The following RAPGEF2 variants were observed in gnomAD, a reference collection of about 807,000 sequenced individuals.
RAPGEF2 encodes the protein PDZ domain containing guanine nucleotide exchange factor (GEF) 1.
A neutral mutation model predicts 186.7 loss-of-function variants in RAPGEF2; 54 were observed. The ratio of observed to expected loss-of-function variants is 0.29; its 90% confidence interval spans 0.23 to 0.36. The LOEUF is 0.36. RAPGEF2 is among the 10% of genes least tolerant of loss of function. The pLI, the probability that RAPGEF2 is intolerant of heterozygous loss-of-function variation, is 1.00. For missense variants in RAPGEF2, 1,532 were observed against 2,045.0 expected (o/e 0.75, Z 4.84); for synonymous variants, 712 against 705.9 (o/e 1.01, Z -0.14).
intron 11 of RAPGEF2, among the ~76,000 whole-genome samples, chr4:159,325,566 G>C (rs1765807453): frequency 6.6e-6 from 1 of 151,934 alleles, no homozygotes; most frequent in African/African-American, 2.4e-5. Flanking sequence ...GTTTGAGTTA[G>C]AGTGTGTGTC....
At chr4:159,282,807 T>G (rs1463749247) in intron 7 of RAPGEF2, among the ~76,000 whole-genome samples, 1 of 152,174 alleles carries the variant, frequency 6.6e-6, no homozygotes, top group Non-Finnish European at 1.5e-5. Flanking sequence ...TATACAGTGT[T>G]TTTCTATTGC....
chr4:159,175,444 C>T (rs1045257966), intron 1 of RAPGEF2, among the ~76,000 whole-genome samples: 4 of 152,054 alleles, frequency 2.6e-5, no homozygotes, highest in Non-Finnish European at 5.9e-5. Flanking sequence ...GTTTTATTTG[C>T]TCTGGTGCTT....
intron 7 of RAPGEF2, among the ~76,000 whole-genome samples, chr4:159,269,724 T>C (rs769924240): frequency 3.3e-5 from 5 of 152,024 alleles, no homozygotes; most frequent in African/African-American, 1.2e-4. Flanking sequence ...ACAAAGAAAA[T>C]TGATGGCTGG....
rs576200446 is a variant in RAPGEF2, at chr4:159,175,262, G to A, written c.70-11380G>A. On this transcript the variant is annotated intron_variant, in intron 1 of 29. Transcript: ENST00000691494. The stretch of plus-strand genomic sequence containing the variant: ...CAGTATTTTGCCTTCATATGATTTA[G>A]GGTTAAAGTAATTATTGTAACTCTA... Among the ~76,000 whole-genome samples, 4 of 151,908 alleles carry A rather than the reference G, an allele frequency of 2.6e-5. No homozygotes were observed. In the South Asian group the frequency reaches 8.3e-4, roughly 32 times the overall value.
intron 7 of RAPGEF2, among the ~76,000 whole-genome samples, chr4:159,284,522 A>G (rs962237746): frequency 1.8e-5 from 2 of 111,734 alleles, no homozygotes; most frequent in Non-Finnish European, 4.1e-5. Flanking sequence ...ACACACACAC[A>G]CACACACACA....
intron 9 of RAPGEF2, among the ~76,000 whole-genome samples, chr4:159,318,057 T>TA (rs561602963): frequency 0.093 from 13,556 of 145,240 alleles, 2,027 homozygotes; most frequent in African/African-American, 0.31. Flanking sequence ...AAGCCATCTT[T>TA]AAAAAAAAAA....
chr4:159,304,619 A>G, intron 8 of RAPGEF2, 146 bp downstream of exon 8: 7 of 744,042 alleles, frequency 9.4e-6, no homozygotes, highest in Middle Eastern at 8.3e-4. Context: ...TTTATTTCGT[A>G]TATGTTATTT....
At chr4:159,327,069 AC>A (rs1260976950) in intron 11 of RAPGEF2, 1 of 152,242 alleles carries the variant, frequency 6.6e-6, no homozygotes, top group Non-Finnish European at 1.5e-5. Flanking sequence ...AATGTAAGAA[AC>A]AGTTTTGGAT....
At chr4:159,131,074 G>A (rs958993550) in intron 1 of RAPGEF2, among the ~76,000 whole-genome samples, 15 of 133,652 alleles carry the variant, frequency 1.1e-4, no homozygotes, top group South Asian at 1.0e-3. Context: ...AGAGTTTCGC[G>A]TGTTGTTTTG....
At chr4:159,303,413 C>G (rs1579849577) in intron 7 of RAPGEF2, among the ~76,000 whole-genome samples, 1 of 152,114 alleles carries the variant, frequency 6.6e-6, no homozygotes, top group East Asian at 1.9e-4. Flanking sequence ...ATCAGTATTT[C>G]ATGATGCTAG....
intron 7 of RAPGEF2, among the ~76,000 whole-genome samples, chr4:159,274,700 G>A (rs956364858): frequency 6.6e-6 from 1 of 152,120 alleles, no homozygotes; most frequent in African/African-American, 2.4e-5. Flanking sequence ...AGTGCTATTA[G>A]TATTGTCTTA....
intron 1 of RAPGEF2, among the ~76,000 whole-genome samples, chr4:159,169,106 A>G (rs1465431095): frequency 1.3e-5 from 2 of 152,212 alleles, no homozygotes; most frequent in Non-Finnish European, 2.9e-5. Context: ...GCACAGAGCA[A>G]GTATTCAATA....
chr4:159,127,962 A>G (rs371652603), intron 1 of RAPGEF2, among the ~76,000 whole-genome samples: 1 of 152,190 alleles, frequency 6.6e-6, no homozygotes, highest in Non-Finnish European at 1.5e-5. Context: ...AGTCAGAAGC[A>G]AAGTCCTGAA....
chr4:159,297,711 T>G (rs1328918622), intron 7 of RAPGEF2, among the ~76,000 whole-genome samples: 7 of 152,180 alleles, frequency 4.6e-5, no homozygotes, highest in Non-Finnish European at 1.0e-4. Flanking sequence ...AGTTGTTTCT[T>G]TGGTTGGCTT....
intron 7 of RAPGEF2, among the ~76,000 whole-genome samples, chr4:159,284,068 A>G (rs965324218): frequency 2.0e-5 from 3 of 152,252 alleles, no homozygotes; most frequent in Non-Finnish European, 4.4e-5. Context: ...TTTTAATTTA[A>G]GAAAAATGAC....
chr4:159,272,125 C>G (rs1758205810), intron 7 of RAPGEF2, among the ~76,000 whole-genome samples: 1 of 152,176 alleles, frequency 6.6e-6, no homozygotes, highest in African/African-American at 2.4e-5. Flanking sequence ...TCGCCTGTTT[C>G]TGCCCCAGTG....
intron 7 of RAPGEF2, among the ~76,000 whole-genome samples, chr4:159,280,679 C>A (rs542786503): frequency 3.3e-5 from 5 of 152,288 alleles, no homozygotes; most frequent in African/African-American, 1.2e-4. Flanking sequence ...TAATGAGTGA[C>A]TTTGAATTGT....
At chr4:159,315,298 CT>C (rs747568588) in intron 9 of RAPGEF2, among the ~76,000 whole-genome samples, 216 of 143,586 alleles carry the variant, frequency 1.5e-3, no homozygotes, top group Middle Eastern at 0.011. Context: ...TGTTTTTGTC[CT>C]TTTTTTTTTT....
At chr4:159,187,307 T>G (rs905892521) in intron 2 of RAPGEF2, among the ~76,000 whole-genome samples, 1 of 151,232 alleles carries the variant, frequency 6.6e-6, no homozygotes, top group African/African-American at 2.5e-5. Context: ...CCTCCTCCCC[T>G]TTTTTTTCTC....
Sources: gnomAD v4.1 joint callset for allele counts (sites outside exome capture counted in the v4.1 genomes callset) on GRCh38, gnomAD v4.1.1 for gene constraint, MANE v1.5 for transcripts, NCBI Gene and HGNC (gene_info 2026-07-23, HGNC 2026-07-21) for gene names.